Variants in GRIK3 observed in about 807,000 individuals in gnomAD.
GRIK3 encodes glutamate ionotropic receptor kainate type subunit 3.
In GRIK3, 29 loss-of-function variants were observed where a neutral mutation model predicts 102.5. The observed-to-expected ratio is 0.28, with a 90% CI of 0.21 to 0.39. The LOEUF (loss-of-function observed/expected upper bound fraction) is 0.39. Ranked by LOEUF, GRIK3 falls within the 10% of genes least tolerant of loss-of-function variation. GRIK3 has a pLI of 1.00. For missense variants in GRIK3, 908 were observed against 1,252.4 expected (o/e 0.73, Z 4.15); for synonymous variants, 511 against 504.9 (o/e 1.01, Z -0.16).
chr1:36,803,345 G>A (rs559183959), intron 15 of GRIK3, among the ~76,000 whole-genome samples: 2 of 152,292 alleles, frequency 1.3e-5, no homozygotes, highest in African/African-American at 4.8e-5. Context: ...GGAGAGTGAG[G>A]GAAGGAAGTG....
chr1:36,982,814 T>A (rs190310781), intron 1 of GRIK3, among the ~76,000 whole-genome samples: 1 of 11,266 alleles, frequency 8.9e-5, no homozygotes, highest in Non-Finnish European at 1.7e-4. Context: ...GAGCAGGAAG[T>A]GGGGGTGGTG....
chr1:36,807,263 G>A (rs1191282678), intron 13 of GRIK3, among the ~76,000 whole-genome samples: 2 of 152,272 alleles, frequency 1.3e-5, no homozygotes, highest in East Asian at 3.9e-4. Context: ...GAGGGCAAGG[G>A]CTGAGTGTCC....
intron 10 of GRIK3, among the ~76,000 whole-genome samples, chr1:36,836,263 G>A (rs1640377148): frequency 2.0e-5 from 3 of 152,258 alleles, no homozygotes; most frequent in Admixed American, 2.0e-4. Context: ...GGGCACTGGG[G>A]TCATGGCCTT....
intron 10 of GRIK3, among the ~76,000 whole-genome samples, chr1:36,837,424 C>T (rs2124211209): frequency 6.6e-6 from 1 of 152,268 alleles, no homozygotes. Flanking sequence ...CCCCTACCTC[C>T]TCTATCCAAC....
At chr1:36,943,952 G>A (rs1369123547) in intron 1 of GRIK3, among the ~76,000 whole-genome samples, 2 of 152,206 alleles carry the variant, frequency 1.3e-5, no homozygotes, top group Non-Finnish European at 2.9e-5. Flanking sequence ...CTCCATATGG[G>A]TGAGAGCTTC....
intron 10 of GRIK3, among the ~76,000 whole-genome samples, chr1:36,836,730 T>C (rs1640383748): frequency 6.6e-6 from 1 of 152,172 alleles, no homozygotes; most frequent in South Asian, 2.1e-4. Flanking sequence ...TGTGACAACT[T>C]AGAGAGAAAA....
intron 1 of GRIK3, among the ~76,000 whole-genome samples, chr1:36,999,672 C>T (rs537878606): frequency 2.6e-5 from 4 of 152,288 alleles, no homozygotes; most frequent in East Asian, 3.9e-4. Flanking sequence ...CCCGCTCCTA[C>T]AGAAAGCACC....
rs534736274 is a variant in GRIK3 at position 36,991,564 on chromosome 1, T to C, written c.115+42430A>G. 1.2e-4 allele frequency among the ~76,000 whole-genome samples: 18 copies of C among 152,234 alleles called. 1 individual carries two copies. The South Asian group carries it at 2.1e-3, about 18-fold the overall frequency. ...TTACAGATGAAATCAGGCTCGGGTG[T>C]GAAAAGCAACGTGCCTACCACAGGC... On this transcript the variant is annotated intron_variant, in intron 1 of 15. Coordinates refer to ENST00000373091, the MANE Select transcript of GRIK3 (RefSeq NM_000831.4).
In GRIK3 at chr1:36,880,424, G is replaced by T. The variant is rs1000453121; in HGVS notation, c.550+210C>A. Among the ~76,000 whole-genome samples the T allele has an allele frequency of 6.6e-6, 1 of 152,294 alleles. No homozygotes were observed. Among genetic ancestry groups the T allele is most frequent in the Non-Finnish European group, 1.5e-5 (1 of 68,018 alleles). On this transcript the variant is annotated intron_variant, in intron 3 of 15. Transcript: ENST00000373091. The surrounding 1 kb of genome is among the most constrained non-coding windows in gnomAD (Gnocchi z 5.4). ...TGAGTGTGAGGCAGGGGTGAGGTGC[G>T]CTGGGGCTGAGTGAGATATGAGTGC... is the stretch of plus-strand genomic sequence containing the variant.
chr1:36,847,052 A>G (rs1186415377), intron 9 of GRIK3, among the ~76,000 whole-genome samples: 5 of 152,228 alleles, frequency 3.3e-5, no homozygotes, highest in African/African-American at 9.6e-5. Flanking sequence ...ATCTCTGGGC[A>G]GTGGGGATGG....
chr1:36,872,424 C>A lies in GRIK3; in HGVS notation c.551-55G>T. ...CGTGTACCACATGTATCCACAGCTC[C>A]AGGCATCCACTTGGACTTGTGTGCA... On this transcript the variant is annotated intron_variant, in intron 3 of 15. Coordinates refer to ENST00000373091, the MANE Select transcript of GRIK3 (RefSeq NM_000831.4). The surrounding 1 kb of genome is among the most constrained non-coding windows in gnomAD (Gnocchi z 5.9). 7.2e-7 allele frequency: 1 copy of A among 1,386,772 alleles called. No homozygotes were observed. Among genetic ancestry groups the A allele is most frequent in the South Asian group, 1.4e-5 (1 of 72,270 alleles). 85.9% of individuals were successfully genotyped at this position (1,386,772 alleles called of 1,614,324 possible).
chr1:36,969,258 C>T (rs969470440), intron 1 of GRIK3, among the ~76,000 whole-genome samples: 1 of 152,312 alleles, frequency 6.6e-6, no homozygotes, highest in East Asian at 1.9e-4. Context: ...GGAGGTCACA[C>T]CTGCCCCTCA....
intron 1 of GRIK3, among the ~76,000 whole-genome samples, chr1:37,013,152 A>G (rs1433918621): frequency 6.6e-6 from 1 of 152,100 alleles, no homozygotes; most frequent in Non-Finnish European, 1.5e-5. Flanking sequence ...AAAAGGGGAA[A>G]CCCCTTATAA....
At chr1:36,993,614 C>T (rs976069222) in intron 1 of GRIK3, among the ~76,000 whole-genome samples, 1 of 152,192 alleles carries the variant, frequency 6.6e-6, no homozygotes, top group Non-Finnish European at 1.5e-5. Context: ...TGATGTGAGG[C>T]TGGCAAGGTA....
chr1:36,889,246 A>G (rs1641075816), intron 2 of GRIK3, among the ~76,000 whole-genome samples: 1 of 151,800 alleles, frequency 6.6e-6, no homozygotes, highest in East Asian at 2.0e-4. Flanking sequence ...TGAGAAGAGA[A>G]GGATGAGTTG....
chr1:36,859,297 T>C, intron 6 of GRIK3, 46 bp from the exon 7 acceptor site: 2 of 1,566,634 alleles, frequency 1.3e-6, no homozygotes, highest in Non-Finnish European at 1.7e-6. Flanking sequence ...GGCCCTCCAG[T>C]CCTCAGCCCA....
intron 1 of GRIK3, among the ~76,000 whole-genome samples, chr1:36,978,724 A>G (rs1342784275): frequency 6.6e-6 from 1 of 152,200 alleles, no homozygotes; most frequent in Non-Finnish European, 1.5e-5. Flanking sequence ...TCTAACATGC[A>G]CGCCAGGCTA....
chr1:36,842,964 C>T (rs1447018663), intron 9 of GRIK3, among the ~76,000 whole-genome samples: 2 of 152,106 alleles, frequency 1.3e-5, no homozygotes, highest in African/African-American at 4.8e-5. Context: ...GTCAGAGATG[C>T]CTGTCCCATG....
chr1:36,976,088 T>C (rs1642193435), intron 1 of GRIK3, among the ~76,000 whole-genome samples: 2 of 152,146 alleles, frequency 1.3e-5, no homozygotes, highest in African/African-American at 4.8e-5. Flanking sequence ...CTGGAAGCAC[T>C]GGGTTCTCCT....
Sources: gnomAD v4.1 joint callset for allele counts (sites outside exome capture counted in the v4.1 genomes callset) on GRCh38, gnomAD v4.1.1 for gene constraint, Gnocchi (gnomAD v3.1) non-coding constraint, MANE v1.5 for transcripts, NCBI Gene and HGNC (gene_info 2026-07-23, HGNC 2026-07-21) for gene names.